The following SNX31 variants were observed in gnomAD, a reference collection of about 807,000 sequenced individuals.
The protein encoded by SNX31 is sorting nexin 31.
In SNX31, 58 loss-of-function variants were observed where a neutral mutation model predicts 65.4. The ratio of observed to expected loss-of-function variants is 0.89; its 90% CI spans 0.72 to 1.10. The LOEUF (loss-of-function observed/expected upper bound fraction) is 1.10, where lower values mean the gene tolerates loss of function less well. Among genes scored for constraint, SNX31 ranks in the 50% least tolerant of loss-of-function variants. The pLI is 0.00. For synonymous variants in SNX31, 181 were observed against 190.1 expected (o/e 0.95, Z 0.39); for missense variants, 523 against 529.7 (o/e 0.99, Z 0.12).
At chr8:100,620,180 C>T (rs1817582556) in intron 4 of SNX31, among the ~76,000 whole-genome samples, 1 of 152,146 alleles carries the variant, frequency 6.6e-6, no homozygotes, top group East Asian at 1.9e-4. Context: ...AAGGGAAGAT[C>T]CAAATGACCA....
chr8:100,661,565 T>C (rs1489336702), intron 1 of SNX31, among the ~76,000 whole-genome samples: 1 of 151,910 alleles, frequency 6.6e-6, no homozygotes, highest in Non-Finnish European at 1.5e-5. Context: ...TTAATCTAGA[T>C]AGGGTCTCAC....
At chr8:100,650,842 G>GTTTTTT (rs200189569), upstream of SNX31, among the ~76,000 whole-genome samples, 3 of 103,816 alleles carry the variant, frequency 2.9e-5, no homozygotes, top group African/African-American at 1.7e-4. Flanking sequence ...TGTTTTTTGT[G>GTTTTTT]TTTTTTTGTT....
chr8:100,610,768 T>C lies in SNX31; in HGVS notation c.611+1232A>G, dbSNP rs1168416726. ...CTCAGGATACTTCTGAACAGCAGTA[T>C]ATGAACTGCCTTGCTGGGAATATCC... On this transcript the variant is annotated intron_variant, in intron 7 of 13. Transcript: ENST00000311812. The surrounding 1 kb of genome is among the most constrained non-coding windows in gnomAD (Gnocchi z 4.0). 6.6e-6 allele frequency among the ~76,000 whole-genome samples: 1 copy of C among 152,224 alleles called. No individual in the cohort carries two copies. Among genetic ancestry groups the C allele is most frequent in the Non-Finnish European group, 1.5e-5 (1 of 68,036 alleles).
intron 9 of SNX31, among the ~76,000 whole-genome samples, chr8:100,600,031 T>C (rs1815474059): frequency 1.3e-5 from 2 of 152,098 alleles, no homozygotes; most frequent in African/African-American, 2.4e-5. Flanking sequence ...CTTCCAATAA[T>C]AGAAAAGTGG....
chr8:100,618,609 C>T lies in SNX31; in HGVS notation c.322-879G>A, dbSNP rs112348311. 1.8e-4 allele frequency: 93 copies of T among 528,948 alleles called. 1 individual carries two copies. Among genetic ancestry groups the T allele is most frequent in the African/African-American group, 1.5e-3 (78 of 52,366 alleles). The allele number at this position is 528,948 out of a possible 1,614,324, so 32.8% of individuals were successfully genotyped here. ...CCAAGTTACCCACATTTCTGCCCAGCTGACTACAAATTCTGGTTTCCATGA... is the reference window on the plus strand; with the variant it reads ...CCAAGTTACCCACATTTCTGCCCAGTTGACTACAAATTCTGGTTTCCATGA... On this transcript the variant is annotated intron_variant, in intron 4 of 13. Transcript: ENST00000311812.
chr8:100,576,488 C>T lies in SNX31; in HGVS notation c.1227+531G>A, dbSNP rs1304444799. ...CAAAACCTCTCTGTGCACTAATTTC[C>T]TCAACTTATTTATAGGGCTGTGAAG... On this transcript the variant is annotated intron_variant, in intron 13 of 13. Coordinates refer to ENST00000311812, the MANE Select transcript of SNX31 (RefSeq NM_152628.4). This position sits in a 1 kb window ranked among gnomAD's most constrained non-coding sequence, Gnocchi z 4.8. Among the ~76,000 whole-genome samples, 1 of 152,130 alleles carries T rather than the reference C, an allele frequency of 6.6e-6. No homozygotes were observed. Among genetic ancestry groups the T allele is most frequent in the Non-Finnish European group, 1.5e-5 (1 of 68,028 alleles).
chr8:100,598,750 G>A (rs548795254), intron 9 of SNX31, among the ~76,000 whole-genome samples: 46 of 152,230 alleles, frequency 3.0e-4, no homozygotes, highest in African/African-American at 1.1e-3. Context: ...ATCAGGGATT[G>A]GTAAACTTTT....
At chr8:100,641,464 G>C (rs2131254919) in intron 2 of SNX31, among the ~76,000 whole-genome samples, 1 of 143,696 alleles carries the variant, frequency 7.0e-6, no homozygotes, top group East Asian at 2.1e-4. Context: ...ACCTGAGCTG[G>C]AGACTTCAAG....
Position 100,573,836 on chromosome 8 carries a change from AAGG to A in SNX31, c.*26_*28del. 1 of 1,476,858 alleles carries A rather than the reference AAGG, an allele frequency of 6.8e-7. No homozygotes were observed. The highest frequency in any genetic ancestry group is 9.3e-7 in the Non-Finnish European group (1 of 1,076,966). The allele number at this position is 1,476,858 out of a possible 1,614,324, so 91.5% of individuals were successfully genotyped here. A position where few individuals can be genotyped will look rare whatever the true frequency, so the allele number is the denominator to read the frequency against. On this transcript the variant is annotated 3_prime_UTR_variant, in exon 14 of 14. Coordinates refer to ENST00000311812, the MANE Select transcript of SNX31 (RefSeq NM_152628.4). ...CTTTCACTGTCTTGAGATAGCCTCC[AAGG>A]ATATTTTAAAATATGAGAGCTTTCT...
At chr8:100,655,694 T>C (rs913354374) in intron 1 of SNX31, among the ~76,000 whole-genome samples, 13 of 152,298 alleles carry the variant, frequency 8.5e-5, no homozygotes, top group African/African-American at 3.1e-4. Context: ...AGGAGTTTGT[T>C]GTTATGGAGA....
In SNX31 at chr8:100,614,175, T is replaced by C. The variant is rs996893877; in HGVS notation, c.433-1090A>G. On this transcript the variant is annotated intron_variant, in intron 5 of 13. Coordinates refer to ENST00000311812, the MANE Select transcript of SNX31 (RefSeq NM_152628.4). The surrounding 1 kb of genome is among the most constrained non-coding windows in gnomAD (Gnocchi z 5.1). Reference sequence around the variant, plus strand: ...AAAGCAATTCCCTTCCCCTTCTTTCTGTCTCTCTCTTTCCCCCATGTTTTG... The same window carrying C: ...AAAGCAATTCCCTTCCCCTTCTTTCCGTCTCTCTCTTTCCCCCATGTTTTG... Among the ~76,000 whole-genome samples the C allele has an allele frequency of 1.3e-5, 2 of 152,208 alleles. No homozygotes were observed. The highest frequency in any genetic ancestry group is 2.9e-5 in the Non-Finnish European group (2 of 68,036).
chr8:100,633,717 G>A (rs1587030974), intron 3 of SNX31, among the ~76,000 whole-genome samples: 1 of 152,020 alleles, frequency 6.6e-6, no homozygotes, highest in East Asian at 1.9e-4. Context: ...AGATTCAAGT[G>A]AGTCTAAAAA....
chr8:100,614,987 C>T lies in SNX31; in HGVS notation c.433-1902G>A, dbSNP rs1817044869. Reference sequence around the variant, plus strand: ...GGCAGCAAGTGTGCTGGAGAAGATGCAGAAGGCGATTTTTAATTATAAAAC... The same window carrying T: ...GGCAGCAAGTGTGCTGGAGAAGATGTAGAAGGCGATTTTTAATTATAAAAC... On this transcript the variant is annotated intron_variant, in intron 5 of 13. Transcript: ENST00000311812. This position sits in a 1 kb window ranked among gnomAD's most constrained non-coding sequence, Gnocchi z 5.1. 1.3e-5 allele frequency among the ~76,000 whole-genome samples: 2 copies of T among 152,192 alleles called. No homozygotes were observed. The highest frequency in any genetic ancestry group is 4.8e-5 in the African/African-American group (2 of 41,452).
chr8:100,595,234 A>G (rs115525515), intron 10 of SNX31, among the ~76,000 whole-genome samples: 2 of 151,954 alleles, frequency 1.3e-5, no homozygotes, highest in African/African-American at 4.8e-5. Context: ...TGTAGGGAGA[A>G]GAATTAGGAA....
At chr8:100,595,311 G>GTT (rs765163460) in intron 10 of SNX31, among the ~76,000 whole-genome samples, 5,560 of 138,650 alleles carry the variant, frequency 0.04, 437 homozygotes, top group African/African-American at 0.16. Context: ...GAGGGAATTT[G>GTT]TTGTTTTTTT....
Position 100,603,284 on chromosome 8 carries a change from G to A in SNX31, c.682-2843C>T, listed in dbSNP as rs573704929. On this transcript the variant is annotated intron_variant, in intron 8 of 13. Transcript: ENST00000311812. ...GCTGTTGGCACAGGGGAACAATATC[G>A]AAAAGAAGGGATGGCTGTGTAAGGA... Among the ~76,000 whole-genome samples, 11 of 152,222 alleles carry A rather than the reference G, an allele frequency of 7.2e-5. No homozygotes were observed. In the South Asian group the frequency reaches 1.0e-3, roughly 14 times the overall value.
upstream of SNX31, among the ~76,000 whole-genome samples, chr8:100,654,440 C>T (rs1361963216): frequency 1.3e-5 from 2 of 152,222 alleles, no homozygotes; most frequent in Non-Finnish European, 2.9e-5. Context: ...GGAAAGTCTC[C>T]AAAGCCCTTG....
chr8:100,601,432 C>T (rs923002449), intron 8 of SNX31, among the ~76,000 whole-genome samples: 7 of 152,036 alleles, frequency 4.6e-5, no homozygotes, highest in African/African-American at 1.7e-4. Context: ...TATAAAACAA[C>T]ATAAAACCCT....
At chr8:100,647,322 G>C (rs951070721) in intron 2 of SNX31, among the ~76,000 whole-genome samples, 10 of 152,222 alleles carry the variant, frequency 6.6e-5, no homozygotes, top group Admixed American at 2.0e-4. Context: ...TGAGGGCACT[G>C]AGCCATGGTA....
Sources: allele counts gnomAD v4.1 joint callset (sites outside exome capture counted in the v4.1 genomes callset), GRCh38; gene constraint gnomAD v4.1.1; non-coding constraint Gnocchi (gnomAD v3.1); transcripts MANE v1.5; gene names NCBI Gene and HGNC (gene_info 2026-07-23, HGNC 2026-07-21).